The following PALM variants were observed in gnomAD, a reference collection of about 807,000 sequenced individuals.
The protein encoded by PALM is paralemmin-1.
Under a neutral mutation model 30.7 loss-of-function variants are expected in PALM, and 18 were observed. That is an observed-to-expected ratio of 0.59 (90% confidence interval 0.41 to 0.87). The LOEUF (loss-of-function observed/expected upper bound fraction) is 0.87. Ranked by LOEUF, PALM falls within the 40% of genes least tolerant of loss-of-function variation. The pLI is 0.00. For synonymous variants in PALM, 286 were observed against 242.8 expected (o/e 1.18, Z -1.66); for missense variants, 529 against 555.4 (o/e 0.95, Z 0.48).
At chr19:740,633 C>G (rs1211104068) in intron 8 of PALM, 150 bp downstream of exon 8, 7 of 744,962 alleles carry the variant, frequency 9.4e-6, no homozygotes, top group East Asian at 2.9e-5. Context: ...GGCCTCACCC[C>G]CTGTGGCCCA....
intron 1 of PALM, among the ~76,000 whole-genome samples, chr19:725,313 C>T (rs2032623537): frequency 6.7e-6 from 1 of 149,774 alleles, no homozygotes; most frequent in Middle Eastern, 3.2e-3. Context: ...AATCCCAGCA[C>T]TTTGGGAGGC....
chr19:719,274 G>A (rs1427283894), intron 1 of PALM: 4 of 985,454 alleles, frequency 4.1e-6, no homozygotes, highest in South Asian at 4.7e-5. Context: ...ACCTCTCTGG[G>A]CCCTTCCAAC....
At chr19:714,991 C>A (rs1414137314) in intron 1 of PALM, among the ~76,000 whole-genome samples, 1 of 152,164 alleles carries the variant, frequency 6.6e-6, no homozygotes, top group African/African-American at 2.4e-5. Flanking sequence ...GGGCCGGGTG[C>A]AGTGGCTTAT....
At chr19:744,888 A>T (rs1271947745) in intron 8 of PALM, among the ~76,000 whole-genome samples, 1 of 119,858 alleles carries the variant, frequency 8.3e-6, no homozygotes, top group Admixed American at 8.0e-5. Context: ...AGGGAGTCAA[A>T]AAAAAAAAGC....
intron 7 of PALM, chr19:736,288 C>T (rs1030998025): frequency 1.5e-4 from 79 of 519,582 alleles, no homozygotes; most frequent in African/African-American, 1.2e-3. Context: ...GGTCCCACGC[C>T]GGCCCACGCT....
chr19:727,093 G>C lies in PALM; in HGVS notation c.138+5G>C, dbSNP rs372993106. 1 of 1,534,836 alleles carries C rather than the reference G, an allele frequency of 6.5e-7. No homozygotes were observed. The highest frequency in any genetic ancestry group is 8.8e-7 in the Non-Finnish European group (1 of 1,134,478). Reference sequence around the variant, plus strand: ...AGGCAGCTGCAGCACCTGAAGGTACGAGCGGGGCAGGGACCCAGGGTCAGG... The same window carrying C: ...AGGCAGCTGCAGCACCTGAAGGTACCAGCGGGGCAGGGACCCAGGGTCAGG... On this transcript the variant is annotated splice_donor_5th_base_variant and intron_variant, in intron 3 of 8. Coordinates refer to ENST00000338448, the MANE Select transcript of PALM (RefSeq NM_002579.3).
chr19:732,443 G>A (rs929562341), intron 5 of PALM, among the ~76,000 whole-genome samples: 4 of 152,122 alleles, frequency 2.6e-5, no homozygotes, highest in East Asian at 1.9e-4. Context: ...GCCTGTAATC[G>A]CAGCACTTTG....
chr19:727,790 T>A (rs2032737204), intron 4 of PALM, 96 bp downstream of exon 4: 3 of 1,181,950 alleles, frequency 2.5e-6, no homozygotes, highest in Admixed American at 2.5e-5. Flanking sequence ...GTCAGTGTGC[T>A]TTGAGGGAGA....
Position 734,142 on chromosome 19 carries a change from G to A in PALM, c.421-31G>A, listed in dbSNP as rs368260208. Reference sequence around the variant, plus strand: ...CCTTCCTCTTCCCGGGGATGCTGACGCCCCTGACCCTTCTCTCTTCTTTCT... The same window carrying A: ...CCTTCCTCTTCCCGGGGATGCTGACACCCCTGACCCTTCTCTCTTCTTTCT... On this transcript the variant is annotated intron_variant, in intron 5 of 8. Coordinates refer to ENST00000338448, the MANE Select transcript of PALM (RefSeq NM_002579.3). 18 of 1,612,992 alleles carry A rather than the reference G, an allele frequency of 1.1e-5. No individual in the cohort carries two copies. The African/African-American group carries it at 1.7e-4, about 16-fold the overall frequency.
intron 1 of PALM, among the ~76,000 whole-genome samples, chr19:723,323 G>A (rs2032554803): frequency 6.6e-6 from 1 of 152,074 alleles, no homozygotes; most frequent in Non-Finnish European, 1.5e-5. Flanking sequence ...AGGGCAGGCT[G>A]TAATTTCAGT....
intron 1 of PALM, among the ~76,000 whole-genome samples, chr19:723,407 T>C (rs1007675816): frequency 2.0e-5 from 3 of 152,010 alleles, no homozygotes; most frequent in Non-Finnish European, 2.9e-5. Context: ...CGCCAGGCCC[T>C]GCCCGTCAGC....
intron 8 of PALM, among the ~76,000 whole-genome samples, chr19:745,296 G>A (rs1177416717): frequency 6.6e-6 from 1 of 152,214 alleles, no homozygotes; most frequent in Non-Finnish European, 1.5e-5. Flanking sequence ...TGTGACCTTG[G>A]CCCAGCTGTG....
chr19:724,741 C>T (rs1255474526), intron 1 of PALM, among the ~76,000 whole-genome samples: 5 of 152,160 alleles, frequency 3.3e-5, no homozygotes, highest in East Asian at 1.9e-4. Flanking sequence ...CTTAGCCTCC[C>T]GAGTAGCTGG....
At chr19:738,112 C>T (rs1235460022) in intron 7 of PALM, among the ~76,000 whole-genome samples, 3 of 152,032 alleles carry the variant, frequency 2.0e-5, no homozygotes, top group South Asian at 2.1e-4. Context: ...GAGGACTGGC[C>T]AGGCACGGTG....
intron 1 of PALM, among the ~76,000 whole-genome samples, chr19:710,006 C>G (rs1194105116): frequency 1.3e-5 from 2 of 152,174 alleles, no homozygotes; most frequent in Non-Finnish European, 2.9e-5. Context: ...CCCTCTGCCC[C>G]TCACTCCCAC....
At position 727,006 on chromosome 19, in the gene PALM, A is replaced by G; in HGVS notation, c.58-2A>G. The G allele has an allele frequency of 1.4e-6, 1 of 725,294 alleles. No homozygotes were observed. The highest frequency in any genetic ancestry group is 2.1e-6 in the Non-Finnish European group (1 of 471,078). The allele number at this position is 725,294 out of a possible 1,614,324, so 44.9% of individuals were successfully genotyped here. The stretch of plus-strand genomic sequence containing the variant: ...CCTGACCCCACCCGGCCCTCCCCAC[A>G]GGAGAAGCGGAAGCGGCAGGCGGAG... On this transcript the variant is annotated splice_acceptor_variant, in intron 2 of 8. Coordinates refer to ENST00000338448, the MANE Select transcript of PALM (RefSeq NM_002579.3). LOFTEE classifies it high-confidence loss of function.
intron 1 of PALM, among the ~76,000 whole-genome samples, chr19:713,202 C>G (rs1165589884): frequency 6.6e-6 from 1 of 152,058 alleles, no homozygotes; most frequent in Non-Finnish European, 1.5e-5. Flanking sequence ...ATCAGACATC[C>G]TGGTGTCGGC....
At chr19:718,257 T>TA (rs2032333342) in intron 1 of PALM, among the ~76,000 whole-genome samples, 1 of 152,162 alleles carries the variant, frequency 6.6e-6, no homozygotes, top group South Asian at 2.1e-4. Context: ...GGCTGAAAAT[T>TA]AGGACAGAAG....
chr19:719,083 G>A, intron 1 of PALM: 1 of 980,512 alleles, frequency 1.0e-6, no homozygotes, highest in Non-Finnish European at 1.2e-6. Context: ...CTTTCAATTA[G>A]CAGCAGGAAT....
Sources: gnomAD v4.1 joint callset for allele counts (sites outside exome capture counted in the v4.1 genomes callset) on GRCh38, gnomAD v4.1.1 for gene constraint, MANE v1.5 for transcripts, NCBI Gene and HGNC (gene_info 2026-07-23, HGNC 2026-07-21) for gene names.